Variants in DCDC2 observed in about 807,000 individuals in gnomAD.
DCDC2 encodes doublecortin domain containing 2, also known as doublecortin domain-containing protein 2.
A neutral mutation model predicts 50.2 loss-of-function variants in DCDC2; 40 were observed. The ratio of observed to expected loss-of-function variants is 0.80; its 90% confidence interval spans 0.62 to 1.04. DCDC2 has a LOEUF of 1.04. Ranked by LOEUF, DCDC2 falls within the 50% of genes least tolerant of loss-of-function variation. The probability of loss-of-function intolerance (pLI) is 0.00; values close to 1 mark genes in which losing one functional copy is unlikely to be tolerated. For synonymous variants in DCDC2, 234 were observed against 210.6 expected (o/e 1.11, Z -0.96); for missense variants, 570 against 581.9 (o/e 0.98, Z 0.21).
At chr6:24,212,526 T>C (rs561215837) in intron 7 of DCDC2, among the ~76,000 whole-genome samples, 1 of 152,282 alleles carries the variant, frequency 6.6e-6, no homozygotes, top group South Asian at 2.1e-4. Flanking sequence ...AGGAAAGTGA[T>C]TCTATTTTTT....
chr6:24,342,514 C>T (rs1431793759), intron 2 of DCDC2, among the ~76,000 whole-genome samples: 1 of 152,176 alleles, frequency 6.6e-6, no homozygotes, highest in East Asian at 1.9e-4. Context: ...CACAGGAAGG[C>T]TCTGACCCCG....
At chr6:24,246,090 T>A (rs1227769730) in intron 7 of DCDC2, among the ~76,000 whole-genome samples, 2 of 152,132 alleles carry the variant, frequency 1.3e-5, no homozygotes, top group Non-Finnish European at 2.9e-5. Flanking sequence ...CCTCCTGGGT[T>A]CAAGGGATTA....
At chr6:24,282,576 C>G (rs1763501304) in intron 6 of DCDC2, among the ~76,000 whole-genome samples, 1 of 152,122 alleles carries the variant, frequency 6.6e-6, no homozygotes, top group Admixed American at 6.6e-5. Flanking sequence ...GTTCCCTAGG[C>G]TCTTTCCAAC....
At chr6:24,232,034 CACATACAT>C (rs1561899863) in intron 7 of DCDC2, among the ~76,000 whole-genome samples, 3 of 146,856 alleles carry the variant, frequency 2.0e-5, no homozygotes, top group Admixed American at 6.8e-5. Flanking sequence ...CACACATACA[CACATACAT>C]ACATATAACT....
In DCDC2 at chr6:24,282,885, G is replaced by A. The variant is rs150899003; in HGVS notation, c.760-4674C>T. ...TATACCAGCCTCAGTTTCCCCCATG[G>A]CAAAATGGAGTTTTGGAGTATAAGG... is the stretch of plus-strand genomic sequence containing the variant. On this transcript the variant is annotated intron_variant, in intron 6 of 9. Transcript: ENST00000378454. Among the ~76,000 whole-genome samples, 925 of 152,122 alleles carry A rather than the reference G, an allele frequency of 6.1e-3. 8 individuals carry two copies. Among genetic ancestry groups the A allele is most frequent in the African/African-American group, 0.016 (678 of 41,486 alleles).
the DCDC2 span, among the ~76,000 whole-genome samples, chr6:24,377,727 C>A: frequency 6.6e-6 from 1 of 152,210 alleles, no homozygotes; most frequent in South Asian, 2.1e-4. Context: ...ATGACTTACA[C>A]CTGTAATCCC....
At chr6:24,362,250 A>G (rs6900148), upstream of DCDC2, among the ~76,000 whole-genome samples, 281 of 141,734 alleles carry the variant, frequency 2.0e-3, no homozygotes, top group African/African-American at 7.0e-3. Flanking sequence ...TTAATTGTAT[A>G]TTTATACAAT....
intron 7 of DCDC2, among the ~76,000 whole-genome samples, chr6:24,250,968 G>A (rs896288325): frequency 2.6e-5 from 4 of 152,222 alleles, no homozygotes; most frequent in African/African-American, 7.2e-5. Flanking sequence ...TAACATAAAC[G>A]CCTTGAAAAC....
At chr6:24,246,683 C>T (rs965270975) in intron 7 of DCDC2, among the ~76,000 whole-genome samples, 9 of 151,802 alleles carry the variant, frequency 5.9e-5, no homozygotes, top group African/African-American at 2.2e-4. Flanking sequence ...GACAGGGTTT[C>T]ACCATGTTGG....
intron 7 of DCDC2, among the ~76,000 whole-genome samples, chr6:24,273,009 TAC>T (rs60162257): frequency 0.29 from 43,677 of 149,056 alleles, 6,522 homozygotes; most frequent in African/African-American, 0.36. Flanking sequence ...TATAAAGACA[TAC>T]ACACACACAC....
the DCDC2 span, among the ~76,000 whole-genome samples, chr6:24,371,745 C>T: frequency 6.6e-6 from 1 of 152,134 alleles, no homozygotes; most frequent in African/African-American, 2.4e-5. Context: ...GGCTAATATC[C>T]AGAATCTACA....
intron 7 of DCDC2, among the ~76,000 whole-genome samples, chr6:24,273,245 G>C (rs369711531): frequency 6.6e-6 from 1 of 152,194 alleles, no homozygotes; most frequent in African/African-American, 2.4e-5. Flanking sequence ...ACACATGAGA[G>C]AGGGTAGAAT....
At chr6:24,381,778 C>G in the DCDC2 span, among the ~76,000 whole-genome samples, 14,463 of 120,684 alleles carry the variant, frequency 0.12, 1,215 homozygotes, top group East Asian at 0.44. Context: ...GATCTCATCA[C>G]TATTGGAAAA....
chr6:24,284,265 T>C (rs898995926), intron 6 of DCDC2, among the ~76,000 whole-genome samples: 3 of 152,128 alleles, frequency 2.0e-5, no homozygotes, highest in African/African-American at 7.2e-5. Flanking sequence ...CTTCTATTCT[T>C]GCCCCAAACC....
chr6:24,237,288 G>A (rs951762743), intron 7 of DCDC2, among the ~76,000 whole-genome samples: 8 of 152,142 alleles, frequency 5.3e-5, no homozygotes, highest in African/African-American at 1.9e-4. Context: ...GCTAGGTGAT[G>A]AAATAATCTG....
At chr6:24,183,232 C>T (rs896643761) in intron 8 of DCDC2, among the ~76,000 whole-genome samples, 3 of 152,130 alleles carry the variant, frequency 2.0e-5, no homozygotes, top group African/African-American at 7.2e-5. Flanking sequence ...GGTTACACAA[C>T]ATTATGAATG....
intron 2 of DCDC2, among the ~76,000 whole-genome samples, chr6:24,308,568 A>C (rs1264677369): frequency 2.6e-5 from 4 of 152,246 alleles, no homozygotes; most frequent in Non-Finnish European, 5.9e-5. Flanking sequence ...TAAAGTAGAA[A>C]ACATGACGAC....
At chr6:24,331,278 T>C (rs899317503) in intron 2 of DCDC2, among the ~76,000 whole-genome samples, 8 of 150,742 alleles carry the variant, frequency 5.3e-5, no homozygotes, top group Admixed American at 4.6e-4. Flanking sequence ...GTTTGAAGTT[T>C]TTTAAGTTGT....
At chr6:24,214,678 C>G (rs1459879982) in intron 7 of DCDC2, among the ~76,000 whole-genome samples, 1 of 152,174 alleles carries the variant, frequency 6.6e-6, no homozygotes, top group Non-Finnish European at 1.5e-5. Flanking sequence ...TTTAGTTCAT[C>G]AGAATAATTG....
Sources: gnomAD v4.1 joint callset for allele counts (sites outside exome capture counted in the v4.1 genomes callset) on GRCh38, gnomAD v4.1.1 for gene constraint, MANE v1.5 for transcripts, NCBI Gene and HGNC (gene_info 2026-07-23, HGNC 2026-07-21) for gene names.